The following NCDN variants were observed in gnomAD, a reference collection of about 807,000 sequenced individuals.
NCDN encodes the protein norbin.
Under a neutral mutation model 60.7 loss-of-function variants are expected in NCDN, and 9 were observed. The ratio of observed to expected loss-of-function variants is 0.15; its 90% CI spans 0.09 to 0.26. The LOEUF (loss-of-function observed/expected upper bound fraction) is 0.26. NCDN is among the 10% of genes least tolerant of loss of function. The pLI is 1.00. For missense variants in NCDN, 578 were observed against 975.2 expected (o/e 0.59, Z 5.42); for synonymous variants, 409 against 442.5 (o/e 0.92, Z 0.95).
At chr1:35,559,678 C>G (rs1648632311) in intron 2 of NCDN, among the ~76,000 whole-genome samples, 2 of 147,896 alleles carry the variant, frequency 1.4e-5, no homozygotes, top group South Asian at 4.2e-4. Flanking sequence ...TAGTTTGGGG[C>G]TTAGCCTTTT....
At position 35,563,645 on chromosome 1, in the gene NCDN, C is replaced by A; in HGVS notation, c.1611-122C>A. 8.1e-7 allele frequency: 1 copy of A among 1,232,088 alleles called. No individual in the cohort carries two copies. The highest frequency in any genetic ancestry group is 1.1e-6 in the Non-Finnish European group (1 of 871,680). 76.3% of individuals were successfully genotyped at this position (1,232,088 alleles called of 1,614,324 possible). A position where few individuals can be genotyped will look rare whatever the true frequency, so the allele number is the denominator to read the frequency against. ...CATGTCTGCTTGTTCCAATCTCTGC[C>A]CCCCAGATGCTATGTTTGGGGCCCA... On this transcript the variant is annotated intron_variant, in intron 5 of 6. Transcript: ENST00000373243. The surrounding 1 kb of genome is among the most constrained non-coding windows in gnomAD (Gnocchi z 6.6).
intron 1 of NCDN, 44 bp from the exon 2 acceptor site, chr1:35,559,063 T>TCCC: frequency 7.5e-6 from 3 of 401,654 alleles, no homozygotes; most frequent in South Asian, 2.7e-5. Context: ...CCCACCCCCG[T>TCCC]CCCTCCTCTG....
rs1335269993 is a variant in NCDN, at chr1:35,561,237, G to A, written c.1086G>A (p.Val362=). The change falls in exon 3 of 7, where the codon GTG becomes GTA. Residue 362 remains valine (V), a synonymous_variant. Coordinates refer to ENST00000373243, the MANE Select transcript of NCDN (RefSeq NM_014284.3). The surrounding 1 kb of genome is among the most constrained non-coding windows in gnomAD (Gnocchi z 4.9). ...EQSLLKEPQK[V]QLVSVMKEAI... ...CACTGCTTAAGGAGCCACAGAAGGT[G>A]CAGCTCGTGAGCGTCATGAAGGAGG... The A allele has an allele frequency of 3.1e-6, 5 of 1,611,454 alleles. No homozygotes were observed. The highest frequency in any genetic ancestry group is 1.7e-5 in the Admixed American group (1 of 59,800).
At position 35,561,173 on chromosome 1, in the gene NCDN, T is replaced by C. The variant is rs1490734140; in HGVS notation, c.1022T>C (p.Met341Thr). The change falls in exon 3 of 7, where the codon ATG becomes ACG. Residue 341 changes from methionine to threonine, a missense_variant. Around this residue, in one of 3 missense-constraint regions of NCDN, gnomAD observed 363 missense variants for 583.6 expected, o/e 0.62. Coordinates refer to ENST00000373243, the MANE Select transcript of NCDN (RefSeq NM_014284.3). The surrounding 1 kb of genome is among the most constrained non-coding windows in gnomAD (Gnocchi z 4.9). ...GTGGTGACCGCCTGCTATGCCCTCA[T>C]GGAGTTGGGGATCCAGGAATGCACT... ...EDVVTACYAL[M>T]ELGIQECTRC... 1 of 1,607,778 alleles carries C rather than the reference T, an allele frequency of 6.2e-7. No individual in the cohort carries two copies. Among genetic ancestry groups the C allele is most frequent in the Admixed American group, 1.7e-5 (1 of 58,394 alleles).
At position 35,565,733 on chromosome 1, in the gene NCDN, GC is replaced by G; in HGVS notation, c.*75del. On this transcript the variant is annotated 3_prime_UTR_variant, in exon 7 of 7. Transcript: ENST00000373243. The surrounding 1 kb of genome is among the most constrained non-coding windows in gnomAD (Gnocchi z 8.9). ...GGAGGGAGGAGGCATCTTCCCTGAA[GC>G]CCCCAATCTGGCCCCCCCCTCCCCA... 1.4e-6 allele frequency: 2 copies of G among 1,431,706 alleles called. No individual in the cohort carries two copies. Among genetic ancestry groups the G allele is most frequent in the Non-Finnish European group, 1.9e-6 (2 of 1,081,080 alleles). 88.7% of individuals were successfully genotyped at this position (1,431,706 alleles called of 1,614,324 possible). A position where few individuals can be genotyped will look rare whatever the true frequency, so the allele number is the denominator to read the frequency against.
In NCDN at chr1:35,561,039, G is replaced by A; in HGVS notation, c.888G>A (p.Trp296Ter). ...TGGCACACGCCTGCGGCTCCGACTGGATCCCGGCGGGCAGCTCCGGGAGCA... is the reference window on the plus strand; with the variant it reads ...TGGCACACGCCTGCGGCTCCGACTGAATCCCGGCGGGCAGCTCCGGGAGCA... Reference protein sequence around the residue: ...ARLAHACGSDWIPAGSSGSKF... With the variant: ...ARLAHACGSD Residue 296 changes from tryptophan to a stop codon, truncating the protein, a stop_gained, in exon 3 of 7, where the codon TGG becomes TGA. Coordinates refer to ENST00000373243, the MANE Select transcript of NCDN (RefSeq NM_014284.3). LOFTEE classifies it high-confidence loss of function. This position sits in a 1 kb window ranked among gnomAD's most constrained non-coding sequence, Gnocchi z 4.9. 6.2e-7 allele frequency: 1 copy of A among 1,612,928 alleles called. No individual in the cohort carries two copies.
chr1:35,565,387 C>G lies in NCDN; in HGVS notation c.1914C>G (p.Phe638Leu). The G allele has an allele frequency of 6.2e-7, 1 of 1,613,016 alleles. No individual in the cohort carries two copies. The highest frequency in any genetic ancestry group is 8.5e-7 in the Non-Finnish European group (1 of 1,179,306). The change falls in exon 7 of 7, where the codon TTC becomes TTG. Residue 638 changes from phenylalanine to leucine, a missense_variant. Around this residue, in one of 3 missense-constraint regions of NCDN, gnomAD observed 191 missense variants for 372.1 expected, o/e 0.51. Transcript: ENST00000373243. This position sits in a 1 kb window ranked among gnomAD's most constrained non-coding sequence, Gnocchi z 8.9. ...GIWADLQELW[F>L]LGMQAFTGCV... ...GGGCCGACCTGCAGGAGCTCTGGTT[C>G]CTGGGCATGCAGGCCTTCACCGGCT...
rs1187155619 is a variant in NCDN, at chr1:35,561,703, A to G, written c.1143+409A>G. ...CACCCGAACTTCTAATGGTGCAGGG[A>G]AGAGAAGCAGGGCTGCCTGGTTCCT... On this transcript the variant is annotated intron_variant, in intron 3 of 6. Transcript: ENST00000373243. This position sits in a 1 kb window ranked among gnomAD's most constrained non-coding sequence, Gnocchi z 4.9. Among the ~76,000 whole-genome samples, 1 of 152,132 alleles carries G rather than the reference A, an allele frequency of 6.6e-6. No individual in the cohort carries two copies. Among genetic ancestry groups the G allele is most frequent in the Non-Finnish European group, 1.5e-5 (1 of 68,026 alleles).
rs1648858367 is a variant in NCDN at position 35,565,886 on chromosome 1, A to T, written c.*223A>T. 5.3e-6 allele frequency: 3 copies of T among 563,288 alleles called. No homozygotes were observed. Among genetic ancestry groups the T allele is most frequent in the Non-Finnish European group, 9.3e-6 (3 of 322,780 alleles). The allele number at this position is 563,288 out of a possible 1,614,324, so 34.9% of individuals were successfully genotyped here. On this transcript the variant is annotated 3_prime_UTR_variant, in exon 7 of 7. Coordinates refer to ENST00000373243, the MANE Select transcript of NCDN (RefSeq NM_014284.3). This position sits in a 1 kb window ranked among gnomAD's most constrained non-coding sequence, Gnocchi z 8.9. ...CCATGGGGGCAGGGATCGGCTTGGA[A>T]ATCAACGTGGTTGTCCCCGCCAGGC...
At position 35,565,311 on chromosome 1, in the gene NCDN, C is replaced by T. The variant is rs148888595; in HGVS notation, c.1838C>T (p.Pro613Leu). 20 of 1,613,868 alleles carry T rather than the reference C, an allele frequency of 1.2e-5. No individual in the cohort carries two copies. Among genetic ancestry groups the T allele is most frequent in the South Asian group, 3.3e-5 (3 of 91,074 alleles). ...LSQSHVARAT[P>L]GSDQAVLALS... Reference sequence around the variant, plus strand: ...CAGTCCCACGTGGCGCGGGCCACCCCGGGCTCAGACCAGGCAGTGCTAGCC... The same window carrying T: ...CAGTCCCACGTGGCGCGGGCCACCCTGGGCTCAGACCAGGCAGTGCTAGCC... The change falls in exon 7 of 7, where the codon CCG becomes CTG. Residue 613 changes from proline (P) to leucine (L), a missense_variant. Coordinates refer to ENST00000373243, the MANE Select transcript of NCDN (RefSeq NM_014284.3). The surrounding 1 kb of genome is among the most constrained non-coding windows in gnomAD (Gnocchi z 8.9).
chr1:35,560,066 A>G lies in NCDN; in HGVS notation c.175-260A>G, dbSNP rs1354155443. ...TTTAGACATCAGGAAGAACTTCTCA[A>G]CTGGCCAGGTGTTGAAATGCTCAAA... On this transcript the variant is annotated intron_variant, in intron 2 of 6. Coordinates refer to ENST00000373243, the MANE Select transcript of NCDN (RefSeq NM_014284.3). The surrounding 1 kb of genome is among the most constrained non-coding windows in gnomAD (Gnocchi z 7.6). 1.3e-5 allele frequency among the ~76,000 whole-genome samples: 2 copies of G among 152,044 alleles called. No individual in the cohort carries two copies. Among genetic ancestry groups the G allele is most frequent in the Non-Finnish European group, 2.9e-5 (2 of 68,014 alleles).
chr1:35,560,275 G>A lies in NCDN; in HGVS notation c.175-51G>A. On this transcript the variant is annotated intron_variant, in intron 2 of 6. Transcript: ENST00000373243. This position sits in a 1 kb window ranked among gnomAD's most constrained non-coding sequence, Gnocchi z 7.6. Reference sequence around the variant, plus strand: ...TGCCCCAGGATGCAGGAGAGGGACAGTCTTTCCCACTTCTTCCTTTCATCC... The same window carrying A: ...TGCCCCAGGATGCAGGAGAGGGACAATCTTTCCCACTTCTTCCTTTCATCC... 1 of 1,574,308 alleles carries A rather than the reference G, an allele frequency of 6.4e-7. No individual in the cohort carries two copies.
Position 35,560,809 on chromosome 1 carries a change from G to A in NCDN, c.658G>A (p.Ala220Thr). 6.2e-7 allele frequency: 1 copy of A among 1,613,890 alleles called. No homozygotes were observed. Among genetic ancestry groups the A allele is most frequent in the South Asian group, 1.1e-5 (1 of 91,088 alleles). The change falls in exon 3 of 7, where the codon GCC (alanine) becomes ACC (threonine). Residue 220 changes from alanine (A) to threonine (T), a missense_variant. This residue lies in a region of NCDN where 363 missense variants were observed against 583.6 expected (regional missense o/e 0.62). Coordinates refer to ENST00000373243, the MANE Select transcript of NCDN (RefSeq NM_014284.3). The surrounding 1 kb of genome is among the most constrained non-coding windows in gnomAD (Gnocchi z 7.6). ...GAAGGAGGCGGAGCCCGACCTGCTG[G>A]CCGTGTTGCGGGGCCTCAGTGAGGA... ...CWKEAEPDLL[A>T]VLRGLSEDFQ...
rs1168548331 is a variant in NCDN, at chr1:35,561,358, G to A, written c.1143+64G>A. On this transcript the variant is annotated intron_variant, in intron 3 of 6. Transcript: ENST00000373243. This position sits in a 1 kb window ranked among gnomAD's most constrained non-coding sequence, Gnocchi z 4.9. ...GGGGAGCCAGTGCTGGAGCTGGGAG[G>A]CAAGGGGGAGGAGAATAATGGGGAG... 5.3e-6 allele frequency: 8 copies of A among 1,510,916 alleles called. No homozygotes were observed. In the East Asian group the frequency reaches 6.8e-5, roughly 13 times the overall value. 93.6% of individuals were successfully genotyped at this position (1,510,916 alleles called of 1,614,324 possible). A position where few individuals can be genotyped will look rare whatever the true frequency, so the allele number is the denominator to read the frequency against.
chr1:35,565,688 A>G lies in NCDN; in HGVS notation c.*25A>G. On this transcript the variant is annotated 3_prime_UTR_variant, in exon 7 of 7. Coordinates refer to ENST00000373243, the MANE Select transcript of NCDN (RefSeq NM_014284.3). This position sits in a 1 kb window ranked among gnomAD's most constrained non-coding sequence, Gnocchi z 8.9. ...AGGGGTGTCCACCGGGGACAGACCC[A>G]GGGGCGGGCAGAGAGGGAAGGAGGG... The G allele has an allele frequency of 6.6e-7, 1 of 1,521,912 alleles. No homozygotes were observed. The highest frequency in any genetic ancestry group is 8.8e-7 in the Non-Finnish European group (1 of 1,137,636). The allele number at this position is 1,521,912 out of a possible 1,614,324, so 94.3% of individuals were successfully genotyped here.
chr1:35,563,628 C>CCAGACATGTTCCAGA lies in NCDN; in HGVS notation c.1611-139_1611-138insCAGACATGTTCCAGA. 8.8e-7 allele frequency: 1 copy of CCAGACATGTTCCAGA among 1,138,800 alleles called. No homozygotes were observed. The highest frequency in any genetic ancestry group is 1.5e-5 in the South Asian group (1 of 67,874). The allele number at this position is 1,138,800 out of a possible 1,614,324, so 70.5% of individuals were successfully genotyped here. ...CCCAGGTACTGTCTCAGCATGTCTG[C>CCAGACATGTTCCAGA]TTGTTCCAATCTCTGCCCCCCAGAT... On this transcript the variant is annotated intron_variant, in intron 5 of 6. Transcript: ENST00000373243. The surrounding 1 kb of genome is among the most constrained non-coding windows in gnomAD (Gnocchi z 6.6).
Position 35,563,458 on chromosome 1 carries a change from C to G in NCDN, c.1610+32C>G. The stretch of plus-strand genomic sequence containing the variant: ...GGCTCGGGAGAGGTGGGGGAGGAGG[C>G]CGGAGGAGGCAAAGGAGGCTGCCCA... On this transcript the variant is annotated intron_variant, in intron 5 of 6. Coordinates refer to ENST00000373243, the MANE Select transcript of NCDN (RefSeq NM_014284.3). The surrounding 1 kb of genome is among the most constrained non-coding windows in gnomAD (Gnocchi z 6.6). 1 of 1,599,762 alleles carries G rather than the reference C, an allele frequency of 6.3e-7. No individual in the cohort carries two copies. The highest frequency in any genetic ancestry group is 8.6e-7 in the Non-Finnish European group (1 of 1,168,886).
rs140023848 is a variant in NCDN, at chr1:35,563,548, G to A, written c.1610+122G>A. The A allele has an allele frequency of 1.1e-3, 1,360 of 1,182,948 alleles. 10 individuals are homozygous for A. The African/African-American group carries it at 0.019, about 16-fold the overall frequency. 73.3% of individuals were successfully genotyped at this position (1,182,948 alleles called of 1,614,324 possible). ...CCATGGATTTGTTAGTGGTAGCATG[G>A]GGGTCTCAGAGTAGACATAGCCAGC... is the stretch of plus-strand genomic sequence containing the variant. On this transcript the variant is annotated intron_variant, in intron 5 of 6. Coordinates refer to ENST00000373243, the MANE Select transcript of NCDN (RefSeq NM_014284.3). This position sits in a 1 kb window ranked among gnomAD's most constrained non-coding sequence, Gnocchi z 6.6.
In NCDN at chr1:35,558,436, G is replaced by T; in HGVS notation, c.33+213G>T. Reference sequence around the variant, plus strand: ...GGTTAATTCTGCTGCTGCCGCCGCCGCTGCTGCTGCTGCTGCAGCCTCTAC... The same window carrying T: ...GGTTAATTCTGCTGCTGCCGCCGCCTCTGCTGCTGCTGCTGCAGCCTCTAC... On this transcript the variant is annotated intron_variant, in intron 1 of 6. Transcript: ENST00000373243. The surrounding 1 kb of genome is among the most constrained non-coding windows in gnomAD (Gnocchi z 6.3). 7.3e-7 allele frequency: 1 copy of T among 1,377,450 alleles called. No individual in the cohort carries two copies. The highest frequency in any genetic ancestry group is 9.4e-7 in the Non-Finnish European group (1 of 1,063,972). The allele number at this position is 1,377,450 out of a possible 1,614,324, so 85.3% of individuals were successfully genotyped here.
Sources: gnomAD v4.1 joint callset for allele counts (sites outside exome capture counted in the v4.1 genomes callset) on GRCh38, gnomAD v4.1.1 for gene constraint, gnomAD v4.1.1 regional missense constraint, Gnocchi (gnomAD v3.1) non-coding constraint, MANE v1.5 for transcripts, NCBI Gene and HGNC (gene_info 2026-07-23, HGNC 2026-07-21) for gene names.